IGF1R: variants seen among roughly 807,000 people sequenced by gnomAD.
IGF1R encodes the protein insulin like growth factor 1 receptor.
A neutral mutation model predicts 144.6 loss-of-function variants in IGF1R; 44 were observed. The ratio of observed to expected loss-of-function variants is 0.30; its 90% CI spans 0.24 to 0.39. The LOEUF (loss-of-function observed/expected upper bound fraction) is 0.39. IGF1R is among the 10% of genes least tolerant of loss of function. The pLI is 1.00. For synonymous variants in IGF1R, 795 were observed against 722.8 expected (o/e 1.10, Z -1.60); for missense variants, 1,355 against 1,833.7 (o/e 0.74, Z 4.77).
chr15:98,826,754 C>G (rs1482213068), intron 2 of IGF1R, among the ~76,000 whole-genome samples: 1 of 152,200 alleles, frequency 6.6e-6, no homozygotes, highest in Non-Finnish European at 1.5e-5. Context: ...ACATTACCTA[C>G]TTTAGCTCTG....
chr15:98,812,738 A>G (rs1329921789), intron 2 of IGF1R, among the ~76,000 whole-genome samples: 1 of 152,116 alleles, frequency 6.6e-6, no homozygotes, highest in African/African-American at 2.4e-5. Context: ...ATTTTATCTA[A>G]CTAATTTGCC....
chr15:98,929,151 G>C (rs775153154), intron 13 of IGF1R, among the ~76,000 whole-genome samples: 1 of 152,056 alleles, frequency 6.6e-6, no homozygotes, highest in Non-Finnish European at 1.5e-5. Flanking sequence ...ACCAACACTT[G>C]TATGGCAGAT....
At position 98,693,006 on chromosome 15, in the gene IGF1R, C is replaced by G. The variant is rs148235749; in HGVS notation, c.95-14556C>G. 5.3e-5 allele frequency among the ~76,000 whole-genome samples: 8 copies of G among 152,234 alleles called. No homozygotes were observed. In the East Asian group the frequency reaches 1.5e-3, roughly 29 times the overall value. On this transcript the variant is annotated intron_variant, in intron 1 of 20. Coordinates refer to ENST00000650285, the MANE Select transcript of IGF1R (RefSeq NM_000875.5). ...GGCTTTGTCCCATGTCCCTTTGTCC[C>G]GTGTTCCATTTGCCCGTGGTGTTGC...
intron 6 of IGF1R, among the ~76,000 whole-genome samples, chr15:98,910,330 A>C (rs901826588): frequency 6.6e-6 from 1 of 152,244 alleles, no homozygotes; most frequent in African/African-American, 2.4e-5. Context: ...TCAGATCATA[A>C]TACATAGTAG....
intron 1 of IGF1R, among the ~76,000 whole-genome samples, chr15:98,664,595 GTGGAGGTTGGAGGT>G (rs370271964): frequency 3.8e-4 from 57 of 150,276 alleles, no homozygotes; most frequent in Middle Eastern, 6.9e-3. Context: ...AACCTGGGAG[GTGGAGGTTGGAGGT>G]TGGAGGTTGG....
At chr15:98,661,475 A>G (rs1170284092) in intron 1 of IGF1R, among the ~76,000 whole-genome samples, 2 of 152,222 alleles carry the variant, frequency 1.3e-5, no homozygotes, top group Non-Finnish European at 2.9e-5. Flanking sequence ...AAACATAATC[A>G]TTTGAAGCTG....
At chr15:98,753,570 C>A (rs2055075821) in intron 2 of IGF1R, among the ~76,000 whole-genome samples, 1 of 150,930 alleles carries the variant, frequency 6.6e-6, no homozygotes, top group South Asian at 2.1e-4. Context: ...TCCTGCTCTT[C>A]AAGGAGATGT....
chr15:98,763,421 C>G (rs2055356750), intron 2 of IGF1R, among the ~76,000 whole-genome samples: 1 of 151,370 alleles, frequency 6.6e-6, no homozygotes, highest in South Asian at 2.1e-4. Flanking sequence ...ATTTTAGCAA[C>G]AGTCACCGTG....
At chr15:98,750,168 A>G (rs1327099395) in intron 2 of IGF1R, among the ~76,000 whole-genome samples, 1 of 152,152 alleles carries the variant, frequency 6.6e-6, no homozygotes, top group Non-Finnish European at 1.5e-5. Flanking sequence ...CTGGAAGTCT[A>G]AGGTGCAGGC....
chr15:98,776,403 C>T (rs2055716866), intron 2 of IGF1R, among the ~76,000 whole-genome samples: 1 of 152,060 alleles, frequency 6.6e-6, no homozygotes, highest in Non-Finnish European at 1.5e-5. Context: ...CCAGACTGGT[C>T]TTGAACTCCT....
chr15:98,747,006 G>A (rs576193643), intron 2 of IGF1R, among the ~76,000 whole-genome samples: 4 of 152,164 alleles, frequency 2.6e-5, no homozygotes, highest in Admixed American at 6.5e-5. Flanking sequence ...CACCAGGTGC[G>A]TGGATCGCTG....
At chr15:98,932,297 G>A (rs7162336) in intron 15 of IGF1R, among the ~76,000 whole-genome samples, 5,612 of 152,240 alleles carry the variant, frequency 0.037, 163 homozygotes, top group Non-Finnish European at 0.058. Context: ...CAGTTTCCTC[G>A]AGGGGCAACA....
rs936070303 is a variant in IGF1R, at chr15:98,958,956, G to A, written c.*1514G>A. On this transcript the variant is annotated 3_prime_UTR_variant, in exon 21 of 21. Coordinates refer to ENST00000650285, the MANE Select transcript of IGF1R (RefSeq NM_000875.5). ...TGCCCCTTTAGTTGTTTTCTAACCC[G>A]TAGGCTCTCTGGGCACGAGGCAGAA... is the stretch of plus-strand genomic sequence containing the variant. 5.1e-5 allele frequency: 12 copies of A among 233,116 alleles called. No homozygotes were observed. Among genetic ancestry groups the A allele is most frequent in the African/African-American group, 1.5e-4 (7 of 45,280 alleles). The allele number at this position is 233,116 out of a possible 1,614,324, so 14.4% of individuals were successfully genotyped here. A position where few individuals can be genotyped will look rare whatever the true frequency, so the allele number is the denominator to read the frequency against.
intron 2 of IGF1R, among the ~76,000 whole-genome samples, chr15:98,768,933 C>A (rs113414428): frequency 9.0e-4 from 3 of 3,348 alleles, no homozygotes; most frequent in African/African-American, 9.3e-4. Context: ...GTCTCAAAAA[C>A]AACAACAACA....
chr15:98,809,000 T>C (rs114999722), intron 2 of IGF1R, among the ~76,000 whole-genome samples: 10 of 152,224 alleles, frequency 6.6e-5, no homozygotes, highest in Admixed American at 5.2e-4. Context: ...AAGATTCTTA[T>C]CAACAGTTAA....
At chr15:98,661,619 A>C (rs963364019) in intron 1 of IGF1R, among the ~76,000 whole-genome samples, 2 of 152,144 alleles carry the variant, frequency 1.3e-5, no homozygotes, top group African/African-American at 4.8e-5. Flanking sequence ...TGCGGTTTGC[A>C]TATGTGCAGG....
At chr15:98,799,678 C>CG (rs2056320606) in intron 2 of IGF1R, among the ~76,000 whole-genome samples, 1 of 152,084 alleles carries the variant, frequency 6.6e-6, no homozygotes, top group African/African-American at 2.4e-5. Flanking sequence ...GTTTACTTAG[C>CG]GGAGGGGAGT....
Position 98,744,309 on chromosome 15 carries a change from C to T in IGF1R, c.640+36202C>T, listed in dbSNP as rs558551790. ...GAGAGGAGGGTTTTAAGGAGAACAA[C>T]GTGCTAAAAGCCACTAAGAAGCCAA... On this transcript the variant is annotated intron_variant, in intron 2 of 20. Coordinates refer to ENST00000650285, the MANE Select transcript of IGF1R (RefSeq NM_000875.5). 3.9e-5 allele frequency among the ~76,000 whole-genome samples: 6 copies of T among 151,958 alleles called. 1 individual carries two copies. The highest frequency in any genetic ancestry group is 7.2e-5 in the African/African-American group (3 of 41,444).
chr15:98,698,054 T>TA (rs1490460549), intron 1 of IGF1R, among the ~76,000 whole-genome samples: 3 of 123,890 alleles, frequency 2.4e-5, no homozygotes, highest in South Asian at 5.0e-4. Flanking sequence ...TTTTTTTTTT[T>TA]AAGAGATGGA....
Sources: gnomAD v4.1 joint callset for allele counts (sites outside exome capture counted in the v4.1 genomes callset) on GRCh38, gnomAD v4.1.1 for gene constraint, MANE v1.5 for transcripts, NCBI Gene and HGNC (gene_info 2026-07-23, HGNC 2026-07-21) for gene names.